Variants in TICRR observed in about 807,000 individuals in gnomAD.
The protein encoded by TICRR is treslin.
In TICRR, 132 loss-of-function variants were observed where a neutral mutation model predicts 178.1. The observed-to-expected ratio is 0.74, with a 90% CI of 0.64 to 0.86. TICRR has a LOEUF of 0.86. Ranked by LOEUF, TICRR falls within the 40% of genes least tolerant of loss-of-function variation. TICRR has a pLI of 0.00. For missense variants in TICRR, 2,587 were observed against 2,334.3 expected (o/e 1.11, Z -2.23); for synonymous variants, 991 against 900.7 (o/e 1.10, Z -1.79).
Position 89,624,342 on chromosome 15 carries a change from G to C in TICRR, c.4032G>C (p.Gln1344His). The part of the protein sequence containing the change: ...SPGELDQKEP[Q>H]MSPSVAASLS... ...GAGAACTGGATCAGAAAGAGCCCCA[G>C]ATGTCACCCAGCGTAGCTGCATCTC... Residue 1344 changes from glutamine to histidine, a missense_variant, in exon 20 of 22, where the codon CAG becomes CAC. Physicochemically the swap from Gln to His is conservative, Grantham distance 24. Coordinates refer to ENST00000268138, the MANE Select transcript of TICRR (RefSeq NM_152259.4). The C allele has an allele frequency of 6.2e-7, 1 of 1,614,132 alleles. No individual in the cohort carries two copies. Among genetic ancestry groups the C allele is most frequent in the Non-Finnish European group, 8.5e-7 (1 of 1,180,030 alleles).
At position 89,619,742 on chromosome 15, in the gene TICRR, G is replaced by T. The variant is rs754637449; in HGVS notation, c.3054G>T (p.Gln1018His). 2 of 1,613,746 alleles carry T rather than the reference G, an allele frequency of 1.2e-6. No homozygotes were observed. Among genetic ancestry groups the T allele is most frequent in the Admixed American group, 1.7e-5 (1 of 59,884 alleles). ...ISLRRSPRIK[Q>H]LSFSRTHSAS... Reference sequence around the variant, plus strand: ...TGAGACGAAGTCCTCGAATCAAGCAGTTGTCATTTAGCAGGACACATTCTG... The same window carrying T: ...TGAGACGAAGTCCTCGAATCAAGCATTTGTCATTTAGCAGGACACATTCTG... The change falls in exon 18 of 22, where the codon CAG becomes CAT. Residue 1018 changes from glutamine (Q) to histidine (H), a missense_variant. Transcript: ENST00000268138.
intron 15 of TICRR, 28 bp from the exon 16 acceptor site, chr15:89,616,377 T>C (rs770487103): frequency 6.2e-7 from 1 of 1,602,228 alleles, no homozygotes; most frequent in East Asian, 2.2e-5. Flanking sequence ...AAATGAAATT[T>C]ATGATTTAAG....
chr15:89,601,545 G>A lies in TICRR; in HGVS notation c.2304G>A (p.Glu768=). ...CTGAGGATTCAGCGTACCTAGCAGA[G>A]TTTCTGGAGGAAATTTTGAGATTGT... The part of the protein sequence containing the change: ...CLTEDSAYLA[E]FLEEILRLYI... Residue 768 remains glutamate (E), a synonymous_variant, in exon 11 of 22, where the codon GAG becomes GAA. Coordinates refer to ENST00000268138, the MANE Select transcript of TICRR (RefSeq NM_152259.4). 3.7e-6 allele frequency: 6 copies of A among 1,614,200 alleles called. No individual in the cohort carries two copies. Among genetic ancestry groups the A allele is most frequent in the African/African-American group, 1.3e-5 (1 of 75,052 alleles).
Position 89,576,097 on chromosome 15 carries a change from G to C in TICRR, c.511G>C (p.Val171Leu), listed in dbSNP as rs760714954. Residue 171 changes from valine (V) to leucine (L), a missense_variant, in exon 1 of 22, where the codon GTG becomes CTG. By Grantham distance (32) the Val-to-Leu change is conservative (BLOSUM62 1). Coordinates refer to ENST00000268138, the MANE Select transcript of TICRR (RefSeq NM_152259.4). ...CTCGCAGAGGGAGCTGCTGCAGTTC[G>C]TGTCTGGGTGCGAGGCCCAGGCCCA... ...PHSQRELLQFVSGCEAQAQRL... is the reference protein window; with the variant it reads ...PHSQRELLQFLSGCEAQAQRL... 8.7e-6 allele frequency: 14 copies of C among 1,611,826 alleles called. No homozygotes were observed. The highest frequency in any genetic ancestry group is 1.6e-4 in the Middle Eastern group (1 of 6,062).
Position 89,621,507 on chromosome 15 carries a change from G to C in TICRR, c.3269G>C (p.Arg1090Pro). The C allele has an allele frequency of 6.2e-7, 1 of 1,613,874 alleles. No homozygotes were observed. The highest frequency in any genetic ancestry group is 8.5e-7 in the Non-Finnish European group (1 of 1,179,928). ...AAGGGTTCAGCTCGAATGAAAAAGC[G>C]TTCAAGAAACACTTTGGATTCGGAG... ...SEKGSARMKK[R>P]SRNTLDSEVP... Residue 1090 changes from arginine (R) to proline (P), a missense_variant, in exon 19 of 22, where the codon CGT (arginine) becomes CCT (proline). Coordinates refer to ENST00000268138, the MANE Select transcript of TICRR (RefSeq NM_152259.4).
intron 12 of TICRR, among the ~76,000 whole-genome samples, chr15:89,602,309 A>G (rs758161948): frequency 4.0e-4 from 61 of 152,210 alleles, no homozygotes; most frequent in Admixed American, 3.3e-4. Flanking sequence ...ATTTTTTCAT[A>G]TGGAAAAGCT....
chr15:89,582,863 A>G lies in TICRR; in HGVS notation c.832A>G (p.Met278Val), dbSNP rs201157155. Reference sequence around the variant, plus strand: ...ACCTCATCTTTCTCCGTGGATTTCAATGCTGCCAACTGATGCCACTTTAAA... The same window carrying G: ...ACCTCATCTTTCTCCGTGGATTTCAGTGCTGCCAACTGATGCCACTTTAAA... ...SEPHLSPWIS[M>V]LPTDATLNRL... Residue 278 changes from methionine (M) to valine (V), a missense_variant, in exon 2 of 22, where the codon ATG becomes GTG. Coordinates refer to ENST00000268138, the MANE Select transcript of TICRR (RefSeq NM_152259.4). The G allele has an allele frequency of 1.5e-4, 242 of 1,614,214 alleles. No individual in the cohort carries two copies. The highest frequency in any genetic ancestry group is 1.1e-3 in the African/African-American group (85 of 75,056).
chr15:89,626,098 A>G (rs1259674908), intron 21 of TICRR, 37 bp downstream of exon 21: 2 of 1,604,638 alleles, frequency 1.2e-6, no homozygotes, highest in African/African-American at 1.3e-5. Flanking sequence ...CTTTCCTGTG[A>G]CAGACTGTCT....
Position 89,602,791 on chromosome 15 carries a change from A to G in TICRR, c.2568-5A>G. ...GTATGTATTAACTATTTCTATTTTT[A>G]AAAGGAAAAATGCATTAATAAGACA... is the stretch of plus-strand genomic sequence containing the variant. On this transcript the variant is annotated splice_polypyrimidine_tract_variant and splice_region_variant and intron_variant, in intron 12 of 21. Coordinates refer to ENST00000268138, the MANE Select transcript of TICRR (RefSeq NM_152259.4). 1 of 1,435,888 alleles carries G rather than the reference A, an allele frequency of 7.0e-7. No homozygotes were observed. 88.9% of individuals were successfully genotyped at this position (1,435,888 alleles called of 1,614,324 possible).
intron 1 of TICRR, among the ~76,000 whole-genome samples, chr15:89,578,534 T>A (rs964066615): frequency 6.6e-6 from 1 of 152,186 alleles, no homozygotes; most frequent in Admixed American, 6.5e-5. Flanking sequence ...ACAATTGATA[T>A]CACATCAAAG....
In TICRR at chr15:89,587,200, G is replaced by A. The variant is rs540224355; in HGVS notation, c.1411+1258G>A. 2.8e-4 allele frequency among the ~76,000 whole-genome samples: 42 copies of A among 152,286 alleles called. No individual in the cohort carries two copies. In the South Asian group the frequency reaches 7.5e-3, roughly 27 times the overall value. Reference sequence around the variant, plus strand: ...TTTTGCCCTAAGCTACTGGTAGAAAGCAGTTTCTTTCTGAGATAGGGAAGG... The same window carrying A: ...TTTTGCCCTAAGCTACTGGTAGAAAACAGTTTCTTTCTGAGATAGGGAAGG... On this transcript the variant is annotated intron_variant, in intron 4 of 21. Transcript: ENST00000268138.
chr15:89,606,744 T>A, intron 13 of TICRR, 24 bp from the exon 14 acceptor site: 6 of 1,610,480 alleles, frequency 3.7e-6, no homozygotes, highest in East Asian at 2.2e-5. Flanking sequence ...TTAAATTTTC[T>A]TTCTGGATTT....
rs562833070 is a variant in TICRR, at chr15:89,588,989, C to T, written c.1411+3047C>T. Among the ~76,000 whole-genome samples the T allele has an allele frequency of 1.2e-3, 178 of 152,078 alleles. 1 individual carries two copies. The highest frequency in any genetic ancestry group is 4.1e-3 in the African/African-American group (171 of 41,492). ...AGGGCCAAGTGGAAAAAGAGCATGG[C>T]GGGGGAACAGCAAGCTCTCTCCAGC... is the stretch of plus-strand genomic sequence containing the variant. On this transcript the variant is annotated intron_variant, in intron 4 of 21. Coordinates refer to ENST00000268138, the MANE Select transcript of TICRR (RefSeq NM_152259.4).
In TICRR at chr15:89,600,494, G is replaced by C. The variant is rs185269099; in HGVS notation, c.2053-91G>C. On this transcript the variant is annotated intron_variant, in intron 8 of 21. Coordinates refer to ENST00000268138, the MANE Select transcript of TICRR (RefSeq NM_152259.4). ...AATGAAAGAATAGAGAAGTTTATAA[G>C]GGAATATATTTCCCTTTAGTCAACT... The C allele has an allele frequency of 1.7e-4, 93 of 534,968 alleles. 1 individual carries two copies. Among genetic ancestry groups the C allele is most frequent in the African/African-American group, 1.6e-3 (83 of 50,836 alleles). 33.1% of individuals were successfully genotyped at this position (534,968 alleles called of 1,614,324 possible).
chr15:89,592,225 C>G (rs1456521020), intron 5 of TICRR, 49 bp downstream of exon 5: 2 of 1,532,946 alleles, frequency 1.3e-6, no homozygotes, highest in Non-Finnish European at 1.8e-6. Flanking sequence ...AATCAACGTT[C>G]AGTTATCTGC....
chr15:89,603,343 G>C (rs946300538), intron 13 of TICRR, among the ~76,000 whole-genome samples: 9 of 152,208 alleles, frequency 5.9e-5, no homozygotes, highest in African/African-American at 2.2e-4. Flanking sequence ...TTGGGAGTCA[G>C]AGGAGGGAGG....
Position 89,627,714 on chromosome 15 carries a change from TCAG to T in TICRR, c.*629_*631del, listed in dbSNP as rs1963560310. On this transcript the variant is annotated 3_prime_UTR_variant, in exon 22 of 22. Transcript: ENST00000268138. The stretch of plus-strand genomic sequence containing the variant: ...AAGGACTGTCCAAGAGCCAGCCAGT[TCAG>T]GGCTCAGGCCTCACCCATTGCCCAC... The T allele has an allele frequency of 6.5e-6, 1 of 152,992 alleles. No individual in the cohort carries two copies. The highest frequency in any genetic ancestry group is 2.4e-5 in the African/African-American group (1 of 41,420). 9.5% of individuals were successfully genotyped at this position (152,992 alleles called of 1,614,324 possible).
In TICRR at chr15:89,621,529, G is replaced by C; in HGVS notation, c.3291G>C (p.Ser1097=). 3 of 1,613,140 alleles carry C rather than the reference G, an allele frequency of 1.9e-6. No individual in the cohort carries two copies. The highest frequency in any genetic ancestry group is 1.7e-6 in the Non-Finnish European group (2 of 1,179,772). The stretch of plus-strand genomic sequence containing the variant: ...AGCGTTCAAGAAACACTTTGGATTC[G>C]GAGGTACCTGCAGCTTACCAGGTAT... ...MKKRSRNTLD[S]EVPAAYQTPK... is the part of the protein sequence containing the mutation. The change falls in exon 19 of 22, where the codon TCG becomes TCC. Residue 1097 remains serine (S), a synonymous_variant. Coordinates refer to ENST00000268138, the MANE Select transcript of TICRR (RefSeq NM_152259.4).
chr15:89,582,174 A>G (rs1962737653), intron 1 of TICRR: 1 of 152,466 alleles, frequency 6.6e-6, no homozygotes, highest in Non-Finnish European at 1.5e-5. Flanking sequence ...AAATACAACA[A>G]TTAGGCGGGC....
Sources: gnomAD v4.1 joint callset for allele counts (sites outside exome capture counted in the v4.1 genomes callset) on GRCh38, gnomAD v4.1.1 for gene constraint, MANE v1.5 for transcripts, NCBI Gene and HGNC (gene_info 2026-07-23, HGNC 2026-07-21) for gene names.